Variants in METTL6 observed in about 807,000 individuals in gnomAD.
The protein encoded by METTL6 is methyltransferase 6, tRNA N3-cytidine, also known as tRNA N(3)-cytidine methyltransferase METTL6.
In METTL6, 22 loss-of-function variants were observed where a neutral mutation model predicts 26.4. The observed-to-expected ratio is 0.83, with a 90% CI of 0.59 to 1.19. The LOEUF is 1.19. Ranked by LOEUF, METTL6 falls within the 50% of genes most tolerant of loss-of-function variation. The pLI, the probability that METTL6 is intolerant of heterozygous loss-of-function variation, is 0.00. For synonymous variants in METTL6, 109 were observed against 116.2 expected, an observed-to-expected ratio of 0.94 and a Z score of 0.40; for missense variants, 304 against 324.8, an observed-to-expected ratio of 0.94 and a Z score of 0.49.
chr3:15,397,144 T>C (rs1251867350), intron 6 of METTL6, among the ~76,000 whole-genome samples: 1 of 152,178 alleles, frequency 6.6e-6, no homozygotes, highest in Non-Finnish European at 1.5e-5. Context: ...AGTTTGAGCT[T>C]CCCAACCGCT....
At chr3:15,388,171 C>G (rs934021158) in intron 6 of METTL6, among the ~76,000 whole-genome samples, 2 of 152,000 alleles carry the variant, frequency 1.3e-5, no homozygotes, top group Non-Finnish European at 2.9e-5. Context: ...AGTGCAATGG[C>G]GCAATCTCCA....
chr3:15,415,559 G>A lies in METTL6; in HGVS notation c.531+213C>T, dbSNP rs370593157. Reference sequence around the variant, plus strand: ...AAATCATCCTTGTCCCAGGGCTGGCGAAGCTCTGAAGAGCAGCCATGGCAC... The same window carrying A: ...AAATCATCCTTGTCCCAGGGCTGGCAAAGCTCTGAAGAGCAGCCATGGCAC... On this transcript the variant is annotated intron_variant, in intron 4 of 5. Transcript: ENST00000383790. The A allele has an allele frequency of 2.1e-5, 33 of 1,601,094 alleles. No homozygotes were observed. The African/African-American group carries it at 3.7e-4, about 18-fold the overall frequency.
At chr3:15,415,407 T>C (rs1337988517) in intron 4 of METTL6, 7 of 1,276,660 alleles carry the variant, frequency 5.5e-6, no homozygotes, top group Non-Finnish European at 6.6e-6. Context: ...TTCACCTGCC[T>C]TGGCATCCCA....
upstream of METTL6, chr3:15,427,630 C>A: frequency 1.3e-6 from 1 of 756,034 alleles, no homozygotes; most frequent in Non-Finnish European, 2.2e-6. Context: ...AGAGAACTTG[C>A]TTCTGGACCC....
chr3:15,398,922 A>T (rs1417421872), intron 6 of METTL6, among the ~76,000 whole-genome samples: 2 of 152,158 alleles, frequency 1.3e-5, no homozygotes, highest in African/African-American at 4.8e-5. Flanking sequence ...ACAGGATGAG[A>T]TAGGTCAGCA....
At chr3:15,397,592 A>G (rs911712510) in intron 6 of METTL6, among the ~76,000 whole-genome samples, 2 of 152,198 alleles carry the variant, frequency 1.3e-5, no homozygotes, top group African/African-American at 4.8e-5. Context: ...TGGGAGCTGT[A>G]GACTGGAGCT....
chr3:15,400,160 G>A (rs963936301), intron 6 of METTL6, among the ~76,000 whole-genome samples: 4 of 152,000 alleles, frequency 2.6e-5, no homozygotes, highest in Non-Finnish European at 4.4e-5. Flanking sequence ...TCTGCATAAG[G>A]CAACCTTTGT....
chr3:15,420,707 G>A (rs2061591812), intron 3 of METTL6, among the ~76,000 whole-genome samples: 1 of 152,124 alleles, frequency 6.6e-6, no homozygotes, highest in Non-Finnish European at 1.5e-5. Flanking sequence ...TGTTAAAGAG[G>A]TTGACAGCGT....
At chr3:15,421,659 T>A (rs2061614261) in intron 3 of METTL6, among the ~76,000 whole-genome samples, 1 of 152,128 alleles carries the variant, frequency 6.6e-6, no homozygotes, top group Admixed American at 6.6e-5. Flanking sequence ...CTTATGCCTG[T>A]AATCCCAACA....
Position 15,426,578 on chromosome 3 carries a change from G to T in METTL6, c.-67C>A. 1 of 1,388,148 alleles carries T rather than the reference G, an allele frequency of 7.2e-7. No individual in the cohort carries two copies. Among genetic ancestry groups the T allele is most frequent in the Non-Finnish European group, 1.0e-6 (1 of 993,074 alleles). 86.0% of individuals were successfully genotyped at this position (1,388,148 alleles called of 1,614,324 possible). ...CCATCACCAAATAATATGAATCCACGCTAATGGATCAGATACATTTCCTGA... is the reference window on the plus strand; with the variant it reads ...CCATCACCAAATAATATGAATCCACTCTAATGGATCAGATACATTTCCTGA... On this transcript the variant is annotated 5_prime_UTR_variant, in exon 2 of 6. Coordinates refer to ENST00000383790, the MANE Select transcript of METTL6 (RefSeq NM_152396.4).
In METTL6 at chr3:15,426,579, C is replaced by G. The variant is rs1201651158; in HGVS notation, c.-68G>C. 4 of 1,383,666 alleles carry G rather than the reference C, an allele frequency of 2.9e-6. No homozygotes were observed. The East Asian group carries it at 6.9e-5, about 24-fold the overall frequency. The allele number at this position is 1,383,666 out of a possible 1,614,324, so 85.7% of individuals were successfully genotyped here. A position where few individuals can be genotyped will look rare whatever the true frequency, so the allele number is the denominator to read the frequency against. ...CATCACCAAATAATATGAATCCACG[C>G]TAATGGATCAGATACATTTCCTGAG... On this transcript the variant is annotated 5_prime_UTR_variant, in exon 2 of 6. The change abolishes the stop of an existing upstream ORF in the 5' untranslated region. Transcript: ENST00000383790.
At chr3:15,417,949 G>A (rs754860125) in intron 3 of METTL6, among the ~76,000 whole-genome samples, 8 of 152,160 alleles carry the variant, frequency 5.3e-5, no homozygotes, top group African/African-American at 1.7e-4. Context: ...TTTGGGAAAC[G>A]GTACAAAGGG....
intron 6 of METTL6, among the ~76,000 whole-genome samples, chr3:15,396,271 G>A (rs561430119): frequency 1.2e-3 from 175 of 152,116 alleles, no homozygotes; most frequent in Non-Finnish European, 2.1e-3. Flanking sequence ...CTTTCTTCCA[G>A]TTGATTGAAT....
At chr3:15,412,413 T>G (rs57985495) in intron 5 of METTL6, among the ~76,000 whole-genome samples, 1 of 152,192 alleles carries the variant, frequency 6.6e-6, no homozygotes, top group African/African-American at 2.4e-5. Context: ...ATATTTACAA[T>G]TGGTTTAAAT....
At chr3:15,400,552 AT>A (rs765471201) in intron 6 of METTL6, among the ~76,000 whole-genome samples, 50 of 152,292 alleles carry the variant, frequency 3.3e-4, no homozygotes, top group South Asian at 2.7e-3. Flanking sequence ...GGAAGGTATC[AT>A]TTAGCTCATG....
chr3:15,406,564 A>G (rs566616198), downstream of METTL6, among the ~76,000 whole-genome samples: 9 of 133,140 alleles, frequency 6.8e-5, no homozygotes, highest in East Asian at 1.9e-3. Context: ...TGACCCAGCC[A>G]TGAAAAAAAA....
At chr3:15,406,139 A>AG (rs1699777511), downstream of METTL6, among the ~76,000 whole-genome samples, 1 of 152,106 alleles carries the variant, frequency 6.6e-6, no homozygotes. Flanking sequence ...ACTATTTTTT[A>AG]TAGTACTGTT....
chr3:15,414,956 G>C, intron 4 of METTL6: 2 of 1,131,632 alleles, frequency 1.8e-6, no homozygotes, highest in Non-Finnish European at 1.1e-6. Context: ...GACAATAAAT[G>C]AAAGTGTTAT....
chr3:15,391,590 C>T (rs528458308), intron 6 of METTL6, among the ~76,000 whole-genome samples: 12 of 151,814 alleles, frequency 7.9e-5, no homozygotes, highest in South Asian at 6.3e-4. Flanking sequence ...GTTGGTGTGT[C>T]GCACCCAATA....
Sources: allele counts gnomAD v4.1 joint callset (sites outside exome capture counted in the v4.1 genomes callset), GRCh38; gene constraint gnomAD v4.1.1; transcripts MANE v1.5; gene names NCBI Gene and HGNC (gene_info 2026-07-23, HGNC 2026-07-21).